Variants in CATSPERT observed in about 807,000 individuals in gnomAD.
CATSPERT encodes catsper channel auxiliary subunit tau, also known as cation channel sperm-associated targeting subunit tau.
the CATSPERT span, among the ~76,000 whole-genome samples, chr2:201,499,468 G>C: frequency 0.036 from 5,457 of 152,196 alleles, 327 homozygotes; most frequent in African/African-American, 0.12. Flanking sequence ...AGAAACCTAA[G>C]GGTTTTTATT....
the CATSPERT span, among the ~76,000 whole-genome samples, chr2:201,565,300 G>A: frequency 1.6e-3 from 39 of 25,150 alleles, no homozygotes; most frequent in African/African-American, 3.8e-3. Flanking sequence ...GCAAGGCCTC[G>A]TCTCAAAAAA....
At chr2:201,494,248 A>G in the CATSPERT span, 18 of 1,536,858 alleles carry the variant, frequency 1.2e-5, no homozygotes, top group Non-Finnish European at 1.6e-5. Context: ...TTCACTGTTC[A>G]TACTAACTTC....
At chr2:201,614,243 A>G in the CATSPERT span, among the ~76,000 whole-genome samples, 2 of 152,232 alleles carry the variant, frequency 1.3e-5, no homozygotes, top group South Asian at 4.1e-4. Context: ...GAGGAACTCC[A>G]AGATACATAA....
chr2:201,572,805 A>T, the CATSPERT span, among the ~76,000 whole-genome samples: 1 of 152,182 alleles, frequency 6.6e-6, no homozygotes, highest in South Asian at 2.1e-4. Flanking sequence ...TTTCATCTGT[A>T]TATTACTTCT....
At chr2:201,536,093 T>C in the CATSPERT span, 1 of 1,613,426 alleles carries the variant, frequency 6.2e-7, no homozygotes, top group South Asian at 1.1e-5. Context: ...ATGGAAAAAA[T>C]ACATTTTTCA....
At chr2:201,534,040 T>TTATCTATC in the CATSPERT span, among the ~76,000 whole-genome samples, 1,510 of 148,662 alleles carry the variant, frequency 0.01, 15 homozygotes, top group East Asian at 0.024. Flanking sequence ...GATCTGTATA[T>TTATCTATC]TATCTATCTA....
chr2:201,543,109 A>G, the CATSPERT span, among the ~76,000 whole-genome samples: 4 of 152,158 alleles, frequency 2.6e-5, no homozygotes, highest in Non-Finnish European at 5.9e-5. Flanking sequence ...TGAAAAGACT[A>G]TTCTTTCCTC....
the CATSPERT span, chr2:201,491,340 T>A: frequency 4.6e-6 from 7 of 1,537,764 alleles, no homozygotes; most frequent in Non-Finnish European, 6.1e-6. Flanking sequence ...TTAGATCTTC[T>A]ATCTTAAATA....
At chr2:201,583,152 C>T in the CATSPERT span, among the ~76,000 whole-genome samples, 6 of 151,846 alleles carry the variant, frequency 4.0e-5, no homozygotes. Flanking sequence ...TAAACTAGAC[C>T]CTGAAGTTAC....
the CATSPERT span, among the ~76,000 whole-genome samples, chr2:201,608,012 A>G: frequency 6.6e-6 from 1 of 152,236 alleles, no homozygotes; most frequent in East Asian, 1.9e-4. Context: ...TAGCTCTAGC[A>G]ACAAATGCTG....
chr2:201,591,441 T>G, the CATSPERT span, among the ~76,000 whole-genome samples: 3 of 152,232 alleles, frequency 2.0e-5, no homozygotes, highest in African/African-American at 7.2e-5. Context: ...TTTGTTCTTT[T>G]GGCTTAGGAT....
chr2:201,493,755 G>T, the CATSPERT span: 7 of 1,537,080 alleles, frequency 4.6e-6, no homozygotes, highest in Admixed American at 3.9e-5. Flanking sequence ...TCATAATGTA[G>T]TCATGTACAG....
chr2:201,524,692 A>C, the CATSPERT span, among the ~76,000 whole-genome samples: 16 of 152,180 alleles, frequency 1.1e-4, no homozygotes, highest in Non-Finnish European at 2.1e-4. Context: ...ACAAAGAAGC[A>C]AGACCCAACT....
the CATSPERT span, among the ~76,000 whole-genome samples, chr2:201,509,771 C>A: frequency 6.6e-6 from 1 of 150,564 alleles, no homozygotes; most frequent in Non-Finnish European, 1.5e-5. Flanking sequence ...ATCTATTTGT[C>A]ATTCATTCAC....
chr2:201,617,233 A>G, the CATSPERT span, among the ~76,000 whole-genome samples: 1 of 152,358 alleles, frequency 6.6e-6, no homozygotes, highest in South Asian at 2.1e-4. Flanking sequence ...GAACCAAAAA[A>G]GAGCCCACAT....
At chr2:201,543,081 T>G in the CATSPERT span, among the ~76,000 whole-genome samples, 1 of 152,220 alleles carries the variant, frequency 6.6e-6, no homozygotes, top group African/African-American at 2.4e-5. Flanking sequence ...AATATCCAGT[T>G]TTCCCAACAC....
the CATSPERT span, chr2:201,492,244 G>A: frequency 3.3e-6 from 5 of 1,519,372 alleles, no homozygotes; most frequent in African/African-American, 1.4e-5. Flanking sequence ...AGGTAAATGT[G>A]TTTTTATATA....
chr2:201,519,951 C>T, the CATSPERT span, among the ~76,000 whole-genome samples: 2 of 151,992 alleles, frequency 1.3e-5, no homozygotes, highest in African/African-American at 4.8e-5. Context: ...CTGTCAAACA[C>T]TTGAAAGCAA....
chr2:201,527,454 A>C, the CATSPERT span, among the ~76,000 whole-genome samples: 7 of 152,220 alleles, frequency 4.6e-5, no homozygotes, highest in Non-Finnish European at 1.0e-4. Context: ...TAGTCAAAGC[A>C]ATCTTAAGCA....
Sources: gnomAD v4.1 joint callset for allele counts (sites outside exome capture counted in the v4.1 genomes callset) on GRCh38, gnomAD v4.1.1 for gene constraint, MANE v1.5 for transcripts, NCBI Gene and HGNC (gene_info 2026-07-23, HGNC 2026-07-21) for gene names.